ASB13: variants seen among roughly 807,000 people sequenced by gnomAD.
ASB13 encodes ankyrin repeat and SOCS box protein 13.
In ASB13, 33 loss-of-function variants were observed where a neutral mutation model predicts 28.8. The ratio of observed to expected loss-of-function variants is 1.15; its 90% CI spans 0.87 to 1.53. The LOEUF (loss-of-function observed/expected upper bound fraction) is 1.53, where lower values mean the gene tolerates loss of function less well. Among genes scored for constraint, ASB13 ranks in the 40% most tolerant of loss-of-function variants. ASB13 has a pLI of 0.00. For synonymous variants in ASB13, 182 were observed against 172.9 expected, an observed-to-expected ratio of 1.05 and a Z score of -0.41; for missense variants, 414 against 390.1, an observed-to-expected ratio of 1.06 and a Z score of -0.52.
chr10:5,640,544 G>T lies in ASB13; in HGVS notation c.*159C>A. ...CCCAACACCCTGGAAACATTATCCA[G>T]GATCCAGGAGAGAAGCCTAAACAGG... On this transcript the variant is annotated 3_prime_UTR_variant, in exon 6 of 6. Coordinates refer to ENST00000357700, the MANE Select transcript of ASB13 (RefSeq NM_024701.4). 1 of 919,620 alleles carries T rather than the reference G, an allele frequency of 1.1e-6. No homozygotes were observed. Among genetic ancestry groups the T allele is most frequent in the South Asian group, 1.7e-5 (1 of 58,748 alleles). 57.0% of individuals were successfully genotyped at this position (919,620 alleles called of 1,614,324 possible).
chr10:5,640,712 G>T lies in ASB13; in HGVS notation c.828C>A (p.Ser276=). ...NIPPRLIDYL[S]YN is the part of the protein sequence containing the mutation. ...GGACCCCACCTGCAATTCAGTTGTAGGAGAGGTAATCAATGAGCCGGGGCG... is the reference window on the plus strand; with the variant it reads ...GGACCCCACCTGCAATTCAGTTGTATGAGAGGTAATCAATGAGCCGGGGCG... The change falls in exon 6 of 6, where the codon TCC becomes TCA. Residue 276 remains serine (S), a synonymous_variant. Coordinates refer to ENST00000357700, the MANE Select transcript of ASB13 (RefSeq NM_024701.4). 6.2e-7 allele frequency: 1 copy of T among 1,614,170 alleles called. No individual in the cohort carries two copies. The highest frequency in any genetic ancestry group is 8.5e-7 in the Non-Finnish European group (1 of 1,180,030).
At chr10:5,666,337 G>A (rs1463013246) in intron 1 of ASB13, among the ~76,000 whole-genome samples, 172 bp downstream of exon 1, 5 of 152,158 alleles carry the variant, frequency 3.3e-5, no homozygotes, top group African/African-American at 1.2e-4. Flanking sequence ...TCTGGGATGC[G>A]CGGCACCACT....
intron 4 of ASB13, among the ~76,000 whole-genome samples, chr10:5,646,516 A>AG (rs1834888217): frequency 6.6e-6 from 1 of 152,230 alleles, no homozygotes; most frequent in African/African-American, 2.4e-5. Flanking sequence ...CCGGAGGCTT[A>AG]GGATGAAGCC....
At position 5,651,282 on chromosome 10, in the gene ASB13, G is replaced by A. The variant is rs1414777143; in HGVS notation, c.313C>T (p.Leu105=). 3.1e-6 allele frequency: 5 copies of A among 1,613,958 alleles called. No individual in the cohort carries two copies. The highest frequency in any genetic ancestry group is 2.2e-5 in the East Asian group (1 of 44,876). The part of the protein sequence containing the change: ...SGSIECVKLL[L]SYGAKVNPPL... ...GGGTTGACCTTGGCCCCGTAGGACAGCAAGAGCTTCACACACTCGATGCTG... is the reference window on the plus strand; with the variant it reads ...GGGTTGACCTTGGCCCCGTAGGACAACAAGAGCTTCACACACTCGATGCTG... The change falls in exon 3 of 6, where the codon CTG becomes TTG. Residue 105 remains leucine (L), a synonymous_variant. Transcript: ENST00000357700. The surrounding 1 kb of genome is among the most constrained non-coding windows in gnomAD (Gnocchi z 5.1).
rs1835207558 is a variant in ASB13, at chr10:5,663,523, C to CTGA, written c.43+2983_43+2985dup. On this transcript the variant is annotated intron_variant, in intron 1 of 5. Transcript: ENST00000357700. The surrounding 1 kb of genome is among the most constrained non-coding windows in gnomAD (Gnocchi z 4.9). ...TCAAGGCACTGTGGGAGCTCAGGCC[C>CTGA]TGACTCAGGACCCCTGAGCTCTGAT... Among the ~76,000 whole-genome samples the CTGA allele has an allele frequency of 6.6e-6, 1 of 152,176 alleles. No homozygotes were observed. The highest frequency in any genetic ancestry group is 2.4e-5 in the African/African-American group (1 of 41,450).
rs745518431 is a variant in ASB13, at chr10:5,645,168, G to A, written c.518-3207C>T. ...ACGGGACCGCCTAAGACCTTAGCAC[G>A]CCAAGACTGGCACAATCCTGGAACA... On this transcript the variant is annotated intron_variant, in intron 4 of 5. Transcript: ENST00000357700. The surrounding 1 kb of genome is among the most constrained non-coding windows in gnomAD (Gnocchi z 5.4). Among the ~76,000 whole-genome samples the A allele has an allele frequency of 2.6e-5, 4 of 151,702 alleles. No individual in the cohort carries two copies. Among genetic ancestry groups the A allele is most frequent in the Non-Finnish European group, 5.9e-5 (4 of 68,000 alleles).
chr10:5,666,384 G>GC, intron 1 of ASB13, 125 bp downstream of exon 1: 1 of 810,196 alleles, frequency 1.2e-6, no homozygotes. Context: ...CCCGCCAAAC[G>GC]CCCCCGCCCA....
rs901147879 is a variant in ASB13, at chr10:5,645,896, T to C, written c.517+3074A>G. ...CGTAGGGGATGCTGTTGTTTCTCTC[T>C]CCTCTGTATGTTTGAAATTTTCCGC... is the stretch of plus-strand genomic sequence containing the variant. On this transcript the variant is annotated intron_variant, in intron 4 of 5. Transcript: ENST00000357700. This position sits in a 1 kb window ranked among gnomAD's most constrained non-coding sequence, Gnocchi z 5.4. Among the ~76,000 whole-genome samples, 1 of 152,162 alleles carries C rather than the reference T, an allele frequency of 6.6e-6. No individual in the cohort carries two copies. The highest frequency in any genetic ancestry group is 2.4e-5 in the African/African-American group (1 of 41,428).
In ASB13 at chr10:5,664,740, G is replaced by A. The variant is rs544644005; in HGVS notation, c.43+1769C>T. ...CTGTCGCCCAGGCTGGAGTGCAATG[G>A]CATGATCTCAGCTCACTACAACCTC... On this transcript the variant is annotated intron_variant, in intron 1 of 5. Coordinates refer to ENST00000357700, the MANE Select transcript of ASB13 (RefSeq NM_024701.4). This position sits in a 1 kb window ranked among gnomAD's most constrained non-coding sequence, Gnocchi z 4.2. Among the ~76,000 whole-genome samples the A allele has an allele frequency of 6.6e-6, 1 of 152,146 alleles. No homozygotes were observed. The highest frequency in any genetic ancestry group is 1.5e-5 in the Non-Finnish European group (1 of 68,012).
chr10:5,666,552 G>A lies in ASB13; in HGVS notation c.-1C>T. The A allele has an allele frequency of 8.3e-7, 1 of 1,198,020 alleles. No individual in the cohort carries two copies. Among genetic ancestry groups the A allele is most frequent in the Non-Finnish European group, 1.0e-6 (1 of 964,876 alleles). The allele number at this position is 1,198,020 out of a possible 1,614,324, so 74.2% of individuals were successfully genotyped here. Reference sequence around the variant, plus strand: ...AGCCGTCCGCCGCCCGGGGCTCCATGCGGCTCACCGGCGGCCGCGCGGCGA... The same window carrying A: ...AGCCGTCCGCCGCCCGGGGCTCCATACGGCTCACCGGCGGCCGCGCGGCGA... On this transcript the variant is annotated 5_prime_UTR_variant, in exon 1 of 6. Transcript: ENST00000357700.
rs1436028744 is a variant in ASB13, at chr10:5,649,623, TA to T, written c.383-520del. 6.6e-6 allele frequency among the ~76,000 whole-genome samples: 1 copy of T among 151,808 alleles called. No homozygotes were observed. Among genetic ancestry groups the T allele is most frequent in the African/African-American group, 2.4e-5 (1 of 41,308 alleles). Reference sequence around the variant, plus strand: ...TCACTACAACCGCCATCTCCCGGGTTAAAGCGATTCTCCCACCTCAGCCTCC... The same window carrying T: ...TCACTACAACCGCCATCTCCCGGGTTAAGCGATTCTCCCACCTCAGCCTCC... On this transcript the variant is annotated intron_variant, in intron 3 of 5. Coordinates refer to ENST00000357700, the MANE Select transcript of ASB13 (RefSeq NM_024701.4). This position sits in a 1 kb window ranked among gnomAD's most constrained non-coding sequence, Gnocchi z 6.4.
chr10:5,648,819 C>G, intron 4 of ASB13, 151 bp downstream of exon 4: 1 of 1,443,536 alleles, frequency 6.9e-7, no homozygotes, highest in Non-Finnish European at 9.3e-7. Context: ...GGTAAACACC[C>G]ACGCGGGCAA....
rs1424052179 is a variant in ASB13 at position 5,656,827 on chromosome 10, C to T, written c.44-3777G>A. ...CACTGGTGCCCAGATGTCACTGGTCCTTGGTTACCTCTTGATCCCAACAGC... is the reference window on the plus strand; with the variant it reads ...CACTGGTGCCCAGATGTCACTGGTCTTTGGTTACCTCTTGATCCCAACAGC... On this transcript the variant is annotated intron_variant, in intron 1 of 5. Transcript: ENST00000357700. The surrounding 1 kb of genome is among the most constrained non-coding windows in gnomAD (Gnocchi z 4.3). Among the ~76,000 whole-genome samples, 2 of 152,178 alleles carry T rather than the reference C, an allele frequency of 1.3e-5. No homozygotes were observed. The highest frequency in any genetic ancestry group is 4.8e-5 in the African/African-American group (2 of 41,438).
Position 5,651,286 on chromosome 10 carries a change from G to A in ASB13, c.309C>T (p.Leu103=). The A allele has an allele frequency of 6.2e-7, 1 of 1,614,082 alleles. No homozygotes were observed. Among genetic ancestry groups the A allele is most frequent in the Non-Finnish European group, 8.5e-7 (1 of 1,179,998 alleles). ...CASGSIECVK[L]LLSYGAKVNP... ...TGACCTTGGCCCCGTAGGACAGCAAGAGCTTCACACACTCGATGCTGCCCG... is the reference window on the plus strand; with the variant it reads ...TGACCTTGGCCCCGTAGGACAGCAAAAGCTTCACACACTCGATGCTGCCCG... The change falls in exon 3 of 6, where the codon CTC becomes CTT. Residue 103 remains leucine, a synonymous_variant. Transcript: ENST00000357700. This position sits in a 1 kb window ranked among gnomAD's most constrained non-coding sequence, Gnocchi z 5.1.
Position 5,652,084 on chromosome 10 carries a change from G to A in ASB13, c.232-721C>T, listed in dbSNP as rs75908711. Among the ~76,000 whole-genome samples the A allele has an allele frequency of 3.0e-3, 429 of 141,098 alleles. 1 individual carries two copies. The highest frequency in any genetic ancestry group is 0.017 in the Middle Eastern group (4 of 238). 92.6% of individuals were successfully genotyped at this position (141,098 alleles called of 152,430 possible). ...CACAAAACTCTAACCTCAATGGAAG[G>A]AATGCCTGAGACAGCTTACCACGCC... is the stretch of plus-strand genomic sequence containing the variant. On this transcript the variant is annotated intron_variant, in intron 2 of 5. Transcript: ENST00000357700. The surrounding 1 kb of genome is among the most constrained non-coding windows in gnomAD (Gnocchi z 5.0).
rs1402246883 is a variant in ASB13 at position 5,655,309 on chromosome 10, C to A, written c.44-2259G>T. ...GAAACTCAGCTCAGCCTTTTATCAG[C>A]TTACCCAAAACACAACTTCCCTGAG... On this transcript the variant is annotated intron_variant, in intron 1 of 5. Transcript: ENST00000357700. This position sits in a 1 kb window ranked among gnomAD's most constrained non-coding sequence, Gnocchi z 6.2. 2.0e-5 allele frequency among the ~76,000 whole-genome samples: 3 copies of A among 152,192 alleles called. No individual in the cohort carries two copies. Among genetic ancestry groups the A allele is most frequent in the Non-Finnish European group, 2.9e-5 (2 of 68,036 alleles).
rs754813507 is a variant in ASB13 at position 5,662,533 on chromosome 10, G to GC, written c.43+3975_43+3976insG. 6.0e-4 allele frequency among the ~76,000 whole-genome samples: 4 copies of GC among 6,682 alleles called. 1 individual carries two copies. The highest frequency in any genetic ancestry group is 1.6e-3 in the Non-Finnish European group (2 of 1,232). 4.4% of individuals were successfully genotyped at this position (6,682 alleles called of 152,430 possible). On this transcript the variant is annotated intron_variant, in intron 1 of 5. Coordinates refer to ENST00000357700, the MANE Select transcript of ASB13 (RefSeq NM_024701.4). ...CGACAGACTGAGACTCTGTCGAGAA[G>GC]GGGGGGGGAGGGGAGGGGAGGGGAG...
In ASB13 at chr10:5,640,030, A is replaced by C. The variant is rs919880096; in HGVS notation, c.*673T>G. ...TGAAGACAAATTTCCTAAGAAACTCAGTGCTACTTGTGGGGAATACAAAGC... is the reference window on the plus strand; with the variant it reads ...TGAAGACAAATTTCCTAAGAAACTCCGTGCTACTTGTGGGGAATACAAAGC... On this transcript the variant is annotated 3_prime_UTR_variant, in exon 6 of 6. Coordinates refer to ENST00000357700, the MANE Select transcript of ASB13 (RefSeq NM_024701.4). 8.5e-5 allele frequency: 13 copies of C among 152,716 alleles called. No homozygotes were observed. Among genetic ancestry groups the C allele is most frequent in the Non-Finnish European group, 1.5e-4 (10 of 68,078 alleles). 9.5% of individuals were successfully genotyped at this position (152,716 alleles called of 1,614,324 possible). A position where few individuals can be genotyped will look rare whatever the true frequency, so the allele number is the denominator to read the frequency against.
rs2131452814 is a variant in ASB13 at position 5,654,862 on chromosome 10, T to G, written c.44-1812A>C. Reference sequence around the variant, plus strand: ...CTGTAATCTCACCACTTTGAGAGGCTGAGGCGGGCGGATCACTTGAGGTCA... The same window carrying G: ...CTGTAATCTCACCACTTTGAGAGGCGGAGGCGGGCGGATCACTTGAGGTCA... On this transcript the variant is annotated intron_variant, in intron 1 of 5. Coordinates refer to ENST00000357700, the MANE Select transcript of ASB13 (RefSeq NM_024701.4). 2.0e-5 allele frequency among the ~76,000 whole-genome samples: 3 copies of G among 152,306 alleles called. No homozygotes were observed. In the East Asian group the frequency reaches 5.8e-4, roughly 29 times the overall value.
Sources: gnomAD v4.1 joint callset for allele counts (sites outside exome capture counted in the v4.1 genomes callset) on GRCh38, gnomAD v4.1.1 for gene constraint, Gnocchi (gnomAD v3.1) non-coding constraint, MANE v1.5 for transcripts, NCBI Gene and HGNC (gene_info 2026-07-23, HGNC 2026-07-21) for gene names.